The following PCDHGA11 variants were observed in gnomAD, a reference collection of about 807,000 sequenced individuals.
PCDHGA11 encodes protocadherin gamma-A11.
Under a neutral mutation model 60.4 loss-of-function variants are expected in PCDHGA11, and 39 were observed. The ratio of observed to expected loss-of-function variants is 0.65; its 90% CI spans 0.50 to 0.84. The LOEUF (loss-of-function observed/expected upper bound fraction) is 0.84, where lower values mean the gene tolerates loss of function less well. Among genes scored for constraint, PCDHGA11 ranks in the 40% least tolerant of loss-of-function variants. PCDHGA11 has a pLI of 0.00. For synonymous variants in PCDHGA11, 533 were observed against 510.3 expected, an observed-to-expected ratio of 1.04 and a Z score of -0.60; for missense variants, 1,165 against 1,197.7, an observed-to-expected ratio of 0.97 and a Z score of 0.40.
Position 141,491,420 on chromosome 5 carries a change from G to A in PCDHGA11, c.2434-3387G>A, listed in dbSNP as rs2099713954. 1.2e-6 allele frequency: 2 copies of A among 1,614,004 alleles called. No homozygotes were observed. The highest frequency in any genetic ancestry group is 2.2e-5 in the South Asian group (2 of 91,090). On this transcript the variant is annotated intron_variant, in intron 1 of 3. Transcript: ENST00000398587. This position sits in a 1 kb window ranked among gnomAD's most constrained non-coding sequence, Gnocchi z 6.9. ...GGAAACGCAGACGGGGACGGGGGTG[G>A]AGGGCAGTGCTGCAGGCGCCAGGAC...
intron 1 of PCDHGA11, among the ~76,000 whole-genome samples, chr5:141,443,131 A>G (rs1042010214): frequency 7.2e-5 from 11 of 152,144 alleles, no homozygotes; most frequent in Non-Finnish European, 1.6e-4. Context: ...GATTAAGAAC[A>G]CTATCATAAG....
chr5:141,501,327 AC>A (rs1208116606), intron 2 of PCDHGA11, among the ~76,000 whole-genome samples: 2 of 151,364 alleles, frequency 1.3e-5, no homozygotes, highest in Non-Finnish European at 2.9e-5. Context: ...ACACACACAC[AC>A]ACACACCCCA....
intron 3 of PCDHGA11, among the ~76,000 whole-genome samples, chr5:141,509,450 C>A (rs2099876883): frequency 6.6e-6 from 1 of 152,128 alleles, no homozygotes; most frequent in Non-Finnish European, 1.5e-5. Context: ...CCTCTCCCAC[C>A]CCCGACCCAG....
At chr5:141,437,944 G>A (rs576107104) in intron 1 of PCDHGA11, among the ~76,000 whole-genome samples, 1 of 152,178 alleles carries the variant, frequency 6.6e-6, no homozygotes, top group South Asian at 2.1e-4. Flanking sequence ...CACCATATTG[G>A]CCAGAATGGT....
At chr5:141,468,774 G>A (rs1229480462) in intron 1 of PCDHGA11, among the ~76,000 whole-genome samples, 4 of 152,028 alleles carry the variant, frequency 2.6e-5, no homozygotes, top group Non-Finnish European at 4.4e-5. Flanking sequence ...GCTGAGGCAG[G>A]AGAATGGCGT....
At chr5:141,499,212 G>A (rs904920940) in intron 2 of PCDHGA11, among the ~76,000 whole-genome samples, 1 of 151,898 alleles carries the variant, frequency 6.6e-6, no homozygotes, top group African/African-American at 2.4e-5. Context: ...TGTAACCCAG[G>A]CCCTGCCCTG....
intron 1 of PCDHGA11, among the ~76,000 whole-genome samples, chr5:141,436,181 T>A (rs1050736907): frequency 1.3e-5 from 2 of 152,092 alleles, no homozygotes; most frequent in African/African-American, 4.8e-5. Context: ...TCATATATAG[T>A]CAAATAGAAA....
intron 1 of PCDHGA11, chr5:141,428,207 T>G (rs1213295979): frequency 7.6e-7 from 1 of 1,308,340 alleles, no homozygotes; most frequent in African/African-American, 1.4e-5. Context: ...GCCGCTACGC[T>G]TCACCTAGTC....
At position 141,477,004 on chromosome 5, in the gene PCDHGA11, C is replaced by T. The variant is rs1390668803; in HGVS notation, c.2434-17803C>T. On this transcript the variant is annotated intron_variant, in intron 1 of 3. Coordinates refer to ENST00000398587, the MANE Select transcript of PCDHGA11 (RefSeq NM_018914.3). The surrounding 1 kb of genome is among the most constrained non-coding windows in gnomAD (Gnocchi z 4.9). ...GCGCCGGCGTGCGGCAACTATTCGC[C>T]TTAGACCTTGTAACCGGGATGCTGA... is the stretch of plus-strand genomic sequence containing the variant. 3 of 1,614,236 alleles carry T rather than the reference C, an allele frequency of 1.9e-6. No homozygotes were observed. The highest frequency in any genetic ancestry group is 2.5e-6 in the Non-Finnish European group (3 of 1,180,042).
intron 1 of PCDHGA11, among the ~76,000 whole-genome samples, chr5:141,480,916 A>C (rs991166066): frequency 6.6e-6 from 1 of 152,106 alleles, no homozygotes; most frequent in East Asian, 1.9e-4. Flanking sequence ...ATGGTGGCGC[A>C]TACCTGTAGT....
At chr5:141,468,652 G>A (rs1206892693) in intron 1 of PCDHGA11, 2 of 149,062 alleles carry the variant, frequency 1.3e-5, no homozygotes, top group African/African-American at 2.5e-5. Context: ...GGATCACAAG[G>A]TCAGGAGATC....
chr5:141,433,199 A>G (rs2097574804), intron 1 of PCDHGA11: 1 of 1,579,570 alleles, frequency 6.3e-7, no homozygotes, highest in Non-Finnish European at 8.6e-7. Context: ...TTTATATCAA[A>G]TCTTCTTTCT....
At position 141,493,396 on chromosome 5, in the gene PCDHGA11, G is replaced by A. The variant is rs562217310; in HGVS notation, c.2434-1411G>A. 1.3e-5 allele frequency among the ~76,000 whole-genome samples: 2 copies of A among 152,274 alleles called. No homozygotes were observed. Among genetic ancestry groups the A allele is most frequent in the East Asian group, 3.9e-4 (2 of 5,178 alleles). The stretch of plus-strand genomic sequence containing the variant: ...TTTAAAAGCTTGAGGACAGGAGAGG[G>A]GAGTTGCCTCTGCTGGGATTTTGCT... On this transcript the variant is annotated intron_variant, in intron 1 of 3. Transcript: ENST00000398587. This position sits in a 1 kb window ranked among gnomAD's most constrained non-coding sequence, Gnocchi z 4.3.
At position 141,422,492 on chromosome 5, in the gene PCDHGA11, C is replaced by A. The variant is rs747903569; in HGVS notation, c.1265C>A (p.Thr422Lys). 4 of 1,613,816 alleles carry A rather than the reference C, an allele frequency of 2.5e-6. No homozygotes were observed. The highest frequency in any genetic ancestry group is 2.7e-5 in the African/African-American group (2 of 74,904). ...DRELVQSYNI[T>K]LTATDQGSPP... ...GAGTTGGTCCAGAGCTACAATATAA[C>A]GTTGACAGCCACAGACCAGGGAAGC... Residue 422 changes from threonine (T) to lysine (K), a missense_variant, in exon 1 of 4, where the codon ACG becomes AAG. Thr to Lys is a moderately conservative substitution (Grantham distance 78). Transcript: ENST00000398587.
rs2099427993 is a variant in PCDHGA11, at chr5:141,477,978, T to C, written c.2434-16829T>C. Reference sequence around the variant, plus strand: ...TCCCCTAACCAGAGCCTTTTTGCCATAGGGCTGCACACTGGTCAAATCAGT... The same window carrying C: ...TCCCCTAACCAGAGCCTTTTTGCCACAGGGCTGCACACTGGTCAAATCAGT... On this transcript the variant is annotated intron_variant, in intron 1 of 3. Coordinates refer to ENST00000398587, the MANE Select transcript of PCDHGA11 (RefSeq NM_018914.3). This position sits in a 1 kb window ranked among gnomAD's most constrained non-coding sequence, Gnocchi z 4.9. 6.2e-7 allele frequency: 1 copy of C among 1,614,120 alleles called. No individual in the cohort carries two copies. Among genetic ancestry groups the C allele is most frequent in the Non-Finnish European group, 8.5e-7 (1 of 1,180,022 alleles).
Position 141,485,086 on chromosome 5 carries a change from A to T in PCDHGA11, c.2434-9721A>T. 1.0e-6 allele frequency: 1 copy of T among 999,576 alleles called. No individual in the cohort carries two copies. Among genetic ancestry groups the T allele is most frequent in the Non-Finnish European group, 1.5e-6 (1 of 651,740 alleles). 61.9% of individuals were successfully genotyped at this position (999,576 alleles called of 1,614,324 possible). A position where few individuals can be genotyped will look rare whatever the true frequency, so the allele number is the denominator to read the frequency against. On this transcript the variant is annotated intron_variant, in intron 1 of 3. Transcript: ENST00000398587. The surrounding 1 kb of genome is among the most constrained non-coding windows in gnomAD (Gnocchi z 5.7). The stretch of plus-strand genomic sequence containing the variant: ...CCAGAGCTGGCGCGGGGAAAGGGAG[A>T]TAGGTGTCTCCAGCTGCTGTGGCTG...
chr5:141,463,382 T>C (rs2099057893), intron 1 of PCDHGA11, among the ~76,000 whole-genome samples: 1 of 151,594 alleles, frequency 6.6e-6, no homozygotes, highest in Admixed American at 6.6e-5. Context: ...AGTCTGAAAG[T>C]TGTCTCCAGG....
Position 141,485,741 on chromosome 5 carries a change from C to A in PCDHGA11, c.2434-9066C>A. 6.2e-7 allele frequency: 1 copy of A among 1,614,180 alleles called. No homozygotes were observed. Among genetic ancestry groups the A allele is most frequent in the Non-Finnish European group, 8.5e-7 (1 of 1,179,992 alleles). On this transcript the variant is annotated intron_variant, in intron 1 of 3. Coordinates refer to ENST00000398587, the MANE Select transcript of PCDHGA11 (RefSeq NM_018914.3). This position sits in a 1 kb window ranked among gnomAD's most constrained non-coding sequence, Gnocchi z 5.7. ...TGTGAAGAAGCGCAGCGACGGCAGC[C>A]TGGTCCCAGAGCTGCTCCTGGAGAA...
Position 141,431,253 on chromosome 5 carries a change from A to G in PCDHGA11, c.2433+7593A>G, listed in dbSNP as rs1554123268. The G allele has an allele frequency of 1.2e-6, 2 of 1,614,132 alleles. No individual in the cohort carries two copies. Among genetic ancestry groups the G allele is most frequent in the South Asian group, 1.1e-5 (1 of 91,088 alleles). ...GCCTGGGATCCGGATATCGGGAAGA[A>G]CTCTCTGCAGAGCTACGAGCTCAGC... is the stretch of plus-strand genomic sequence containing the variant. On this transcript the variant is annotated intron_variant, in intron 1 of 3. Transcript: ENST00000398587. The surrounding 1 kb of genome is among the most constrained non-coding windows in gnomAD (Gnocchi z 4.8).
Sources: gnomAD v4.1 joint callset for allele counts (sites outside exome capture counted in the v4.1 genomes callset) on GRCh38, gnomAD v4.1.1 for gene constraint, Gnocchi (gnomAD v3.1) non-coding constraint, MANE v1.5 for transcripts, NCBI Gene and HGNC (gene_info 2026-07-23, HGNC 2026-07-21) for gene names.